The following KLF12 variants were observed in gnomAD, a reference collection of about 807,000 sequenced individuals.
The protein encoded by KLF12 is KLF transcription factor 12.
In KLF12, 9 loss-of-function variants were observed where a neutral mutation model predicts 37.8. That is an observed-to-expected ratio of 0.24 (90% confidence interval 0.14 to 0.42). The LOEUF (loss-of-function observed/expected upper bound fraction) is 0.42. Ranked by LOEUF, KLF12 falls within the 10% of genes least tolerant of loss-of-function variation. The pLI is 1.00. For missense variants in KLF12, 411 were observed against 516.0 expected, an observed-to-expected ratio of 0.80 and a Z score of 1.97; for synonymous variants, 208 against 202.1, an observed-to-expected ratio of 1.03 and a Z score of -0.25.
intron 4 of KLF12, among the ~76,000 whole-genome samples, chr13:73,813,521 A>C (rs548538746): frequency 6.6e-6 from 1 of 152,278 alleles, no homozygotes; most frequent in Admixed American, 6.5e-5. Flanking sequence ...GGGTATGGTT[A>C]TAGAATAGAA....
chr13:73,708,041 T>C (rs1231574004), intron 7 of KLF12, among the ~76,000 whole-genome samples: 1 of 152,166 alleles, frequency 6.6e-6, no homozygotes, highest in Non-Finnish European at 1.5e-5. Context: ...AGAGACTTCA[T>C]TCATCAAGAG....
At chr13:74,027,837 A>G (rs1893016062) in intron 1 of KLF12, among the ~76,000 whole-genome samples, 1 of 152,214 alleles carries the variant, frequency 6.6e-6, no homozygotes, top group Non-Finnish European at 1.5e-5. Context: ...AGTCAACAAG[A>G]TGCATTAAAG....
At chr13:73,955,307 T>C (rs960741334) in intron 2 of KLF12, among the ~76,000 whole-genome samples, 1 of 152,212 alleles carries the variant, frequency 6.6e-6, no homozygotes, top group Admixed American at 6.5e-5. Flanking sequence ...GTTTTGTGTG[T>C]TATATTCTTT....
chr13:74,242,003 A>C, the KLF12 span, among the ~76,000 whole-genome samples: 1 of 152,130 alleles, frequency 6.6e-6, no homozygotes, highest in Admixed American at 6.5e-5. Flanking sequence ...GGAATATTAA[A>C]AGCTCTTCTG....
the KLF12 span, among the ~76,000 whole-genome samples, chr13:74,140,844 G>A: frequency 1.3e-5 from 2 of 152,138 alleles, no homozygotes; most frequent in African/African-American, 4.8e-5. Flanking sequence ...ACGAGATCAG[G>A]AGATCGAGAC....
intron 3 of KLF12, among the ~76,000 whole-genome samples, chr13:73,885,342 C>T (rs1887172712): frequency 6.6e-6 from 1 of 152,148 alleles, no homozygotes; most frequent in Non-Finnish European, 1.5e-5. Flanking sequence ...CACTCCAAAT[C>T]CAATTCATAA....
chr13:74,086,260 C>T (rs1398340120), intron 1 of KLF12, among the ~76,000 whole-genome samples: 1 of 122,278 alleles, frequency 8.2e-6, no homozygotes, highest in Non-Finnish European at 1.7e-5. Flanking sequence ...CTAATGCTAT[C>T]CCTCCCCCTC....
intron 3 of KLF12, among the ~76,000 whole-genome samples, chr13:73,940,641 G>A (rs934340477): frequency 1.4e-4 from 22 of 152,246 alleles, no homozygotes; most frequent in Non-Finnish European, 2.9e-4. Context: ...TAATTATAAT[G>A]CCCAGACAAG....
chr13:73,880,020 C>G (rs1176485539), intron 3 of KLF12, among the ~76,000 whole-genome samples: 1 of 152,208 alleles, frequency 6.6e-6, no homozygotes, highest in Non-Finnish European at 1.5e-5. Context: ...ACTGCTCATG[C>G]TAGCCGTTCT....
the KLF12 span, among the ~76,000 whole-genome samples, chr13:74,183,436 T>C: frequency 1.3e-5 from 2 of 152,088 alleles, no homozygotes; most frequent in African/African-American, 4.8e-5. Flanking sequence ...GCTACCATCT[T>C]CATCAGCCAT....
the KLF12 span, among the ~76,000 whole-genome samples, chr13:74,234,845 G>T: frequency 1.8e-4 from 28 of 151,954 alleles, no homozygotes; most frequent in Admixed American, 6.6e-4. Context: ...TTATGGAAAG[G>T]TCTTTTTCTT....
At chr13:74,188,137 A>G in the KLF12 span, among the ~76,000 whole-genome samples, 1 of 152,192 alleles carries the variant, frequency 6.6e-6, no homozygotes, top group Non-Finnish European at 1.5e-5. Context: ...AAAAAAAAGT[A>G]GGTTTAGTAT....
chr13:73,769,913 C>A (rs1438528953), intron 5 of KLF12, among the ~76,000 whole-genome samples: 1 of 152,148 alleles, frequency 6.6e-6, no homozygotes, highest in African/African-American at 2.4e-5. Flanking sequence ...GGACATTACT[C>A]ATCTAGCAAG....
chr13:73,937,995 T>C (rs1890025899), intron 3 of KLF12, among the ~76,000 whole-genome samples: 1 of 152,112 alleles, frequency 6.6e-6, no homozygotes, highest in Non-Finnish European at 1.5e-5. Flanking sequence ...CATGCAAAGA[T>C]TTCACTACAG....
chr13:74,299,368 T>C, the KLF12 span, among the ~76,000 whole-genome samples: 1 of 152,220 alleles, frequency 6.6e-6, no homozygotes, highest in Non-Finnish European at 1.5e-5. Context: ...TGACTTTCTG[T>C]CCTTTCACCC....
At position 74,052,881 on chromosome 13, in the gene KLF12, C is replaced by T. The variant is rs146007054; in HGVS notation, c.-31-57828G>A. 3.8e-3 allele frequency among the ~76,000 whole-genome samples: 586 copies of T among 152,218 alleles called. 3 individuals carry two copies. Among genetic ancestry groups the T allele is most frequent in the Non-Finnish European group, 7.2e-3 (488 of 68,012 alleles). ...ACTTCTAAAATACTCCACTCCCTGG[C>T]TAGTAGGGTTTTTCCTCATAATCTC... On this transcript the variant is annotated intron_variant, in intron 1 of 7. Coordinates refer to ENST00000377669, the MANE Select transcript of KLF12 (RefSeq NM_007249.5).
the KLF12 span, among the ~76,000 whole-genome samples, chr13:74,301,326 TAA>T: frequency 6.6e-6 from 1 of 152,228 alleles, no homozygotes; most frequent in Non-Finnish European, 1.5e-5. Flanking sequence ...CACTGTACAA[TAA>T]AGTCCACCCA....
At chr13:74,068,143 G>C (rs1874023828) in intron 1 of KLF12, among the ~76,000 whole-genome samples, 1 of 152,104 alleles carries the variant, frequency 6.6e-6, no homozygotes, top group African/African-American at 2.4e-5. Context: ...TGTTTATGCA[G>C]TAATGCCTTA....
At chr13:73,900,002 G>C (rs1293119973) in intron 3 of KLF12, among the ~76,000 whole-genome samples, 3 of 152,140 alleles carry the variant, frequency 2.0e-5, no homozygotes, top group Non-Finnish European at 2.9e-5. Flanking sequence ...CAAACCTGAA[G>C]AGTGAAACTA....
Sources: allele counts gnomAD v4.1 joint callset (sites outside exome capture counted in the v4.1 genomes callset), GRCh38; gene constraint gnomAD v4.1.1; transcripts MANE v1.5; gene names NCBI Gene and HGNC (gene_info 2026-07-23, HGNC 2026-07-21).